The following ZBTB8A variants were observed in gnomAD, a reference collection of about 807,000 sequenced individuals.
ZBTB8A encodes the protein zinc finger and BTB domain-containing protein 8A.
A neutral mutation model predicts 37.8 loss-of-function variants in ZBTB8A; 19 were observed. That is an observed-to-expected ratio of 0.50 (90% CI 0.35 to 0.74). The LOEUF (loss-of-function observed/expected upper bound fraction) is 0.74. ZBTB8A is among the 30% of genes least tolerant of loss of function. ZBTB8A has a pLI of 0.01. For synonymous variants in ZBTB8A, 181 were observed against 185.2 expected, an observed-to-expected ratio of 0.98 and a Z score of 0.19; for missense variants, 394 against 537.8, an observed-to-expected ratio of 0.73 and a Z score of 2.65.
intron 4 of ZBTB8A, among the ~76,000 whole-genome samples, chr1:32,597,186 G>T (rs1644540388): frequency 6.6e-6 from 1 of 151,896 alleles, no homozygotes. Flanking sequence ...GTAGAGATGG[G>T]GTTTCACCAT....
chr1:32,585,693 A>G (rs1471525936), intron 2 of ZBTB8A, among the ~76,000 whole-genome samples: 3 of 152,152 alleles, frequency 2.0e-5, no homozygotes, highest in African/African-American at 7.2e-5. Flanking sequence ...AAGGGTCGAC[A>G]GCATTTTTGA....
intron 2 of ZBTB8A, among the ~76,000 whole-genome samples, chr1:32,557,892 T>C (rs540940296): frequency 6.6e-6 from 1 of 152,330 alleles, no homozygotes; most frequent in South Asian, 2.1e-4. Context: ...ATATACTGAC[T>C]TCATGCTCAG....
At chr1:32,581,432 A>T (rs935481961) in intron 2 of ZBTB8A, among the ~76,000 whole-genome samples, 1 of 148,290 alleles carries the variant, frequency 6.7e-6, no homozygotes, top group Admixed American at 7.1e-5. Context: ...GCTCACTGCA[A>T]CCTCCATCCC....
chr1:32,550,492 G>A (rs72652157), intron 1 of ZBTB8A, among the ~76,000 whole-genome samples: 7,368 of 152,130 alleles, frequency 0.048, 297 homozygotes, highest in South Asian at 0.16. Flanking sequence ...GGTGGTACAC[G>A]TCTGTGGTCC....
chr1:32,567,845 A>C (rs187645900), intron 2 of ZBTB8A, among the ~76,000 whole-genome samples: 2 of 83,884 alleles, frequency 2.4e-5, no homozygotes, highest in Admixed American at 1.2e-4. Flanking sequence ...CAAAACAAAA[A>C]AAAGATATAA....
intron 1 of ZBTB8A, among the ~76,000 whole-genome samples, chr1:32,540,050 G>T (rs1236647357): frequency 6.6e-6 from 1 of 152,012 alleles, no homozygotes; most frequent in East Asian, 1.9e-4. Context: ...TCCCAGGGCA[G>T]TAGCCCGAGT....
At chr1:32,562,034 C>T (rs1034775605) in intron 2 of ZBTB8A, among the ~76,000 whole-genome samples, 3 of 151,804 alleles carry the variant, frequency 2.0e-5, no homozygotes, top group Non-Finnish European at 4.4e-5. Context: ...ACTGCAGCCT[C>T]GAACTCCTGG....
At chr1:32,578,268 G>A (rs1644378590) in intron 2 of ZBTB8A, among the ~76,000 whole-genome samples, 3 of 150,580 alleles carry the variant, frequency 2.0e-5, no homozygotes, top group Admixed American at 2.0e-4. Flanking sequence ...GTAGAGATGG[G>A]ATTTTGCCAT....
intron 2 of ZBTB8A, among the ~76,000 whole-genome samples, chr1:32,560,261 C>T (rs914486895): frequency 1.3e-5 from 2 of 152,070 alleles, no homozygotes; most frequent in African/African-American, 2.4e-5. Context: ...GATTACAATT[C>T]GACATGAGAT....
At chr1:32,583,380 CAAAAA>C (rs372221611) in intron 2 of ZBTB8A, among the ~76,000 whole-genome samples, 1 of 68,132 alleles carries the variant, frequency 1.5e-5, no homozygotes, top group African/African-American at 5.1e-5. Flanking sequence ...GACCCTGTCT[CAAAAA>C]AAAAAAAAAA....
chr1:32,583,128 C>T (rs961571727), intron 2 of ZBTB8A, among the ~76,000 whole-genome samples: 1 of 152,058 alleles, frequency 6.6e-6, no homozygotes, highest in Non-Finnish European at 1.5e-5. Flanking sequence ...CACCTGTAAT[C>T]CCAACACTTT....
At chr1:32,546,575 A>C (rs574101726) in intron 1 of ZBTB8A, among the ~76,000 whole-genome samples, 3 of 152,374 alleles carry the variant, frequency 2.0e-5, no homozygotes, top group African/African-American at 7.2e-5. Context: ...CCGGAGGCCA[A>C]GGCTGCAGTG....
intron 1 of ZBTB8A, among the ~76,000 whole-genome samples, 165 bp downstream of exon 1, chr1:32,539,737 G>GCCCTTTCT (rs1644033816): frequency 1.7e-3 from 1 of 578 alleles, no homozygotes; most frequent in South Asian, 0.062. Context: ...GAGCGCGGCG[G>GCCCTTTCT]GAGGCGCCCG....
At chr1:32,541,164 T>A (rs1644050146) in intron 1 of ZBTB8A, among the ~76,000 whole-genome samples, 1 of 152,254 alleles carries the variant, frequency 6.6e-6, no homozygotes, top group Non-Finnish European at 1.5e-5. Flanking sequence ...TTCCCTTGAA[T>A]GAAGCTTTTG....
chr1:32,559,263 C>T (rs1644225930), intron 2 of ZBTB8A, among the ~76,000 whole-genome samples: 1 of 152,048 alleles, frequency 6.6e-6, no homozygotes, highest in African/African-American at 2.4e-5. Context: ...AGGCACCCGC[C>T]ACCACACCTG....
At chr1:32,591,382 A>AAT (rs1225440058) in intron 2 of ZBTB8A, among the ~76,000 whole-genome samples, 86 of 149,878 alleles carry the variant, frequency 5.7e-4, no homozygotes, top group Admixed American at 1.0e-3. Flanking sequence ...GGCTAATTAA[A>AAT]ATATATATAT....
At chr1:32,570,342 C>CGTAG (rs1287429858) in intron 2 of ZBTB8A, among the ~76,000 whole-genome samples, 1 of 152,134 alleles carries the variant, frequency 6.6e-6, no homozygotes, top group Non-Finnish European at 1.5e-5. Flanking sequence ...CTTGTAATTA[C>CGTAG]GTAGGTTAAG....
intron 2 of ZBTB8A, among the ~76,000 whole-genome samples, chr1:32,567,161 G>A (rs1644286102): frequency 6.6e-6 from 1 of 152,240 alleles, no homozygotes; most frequent in East Asian, 1.9e-4. Flanking sequence ...ATGGCAAAAG[G>A]CACAGGGGAA....
intron 1 of ZBTB8A, among the ~76,000 whole-genome samples, chr1:32,552,340 A>C (rs1217753079): frequency 6.6e-6 from 1 of 151,964 alleles, no homozygotes; most frequent in Admixed American, 6.6e-5. Flanking sequence ...CTCTAGCCTG[A>C]GTGACAAAGT....
Sources: gnomAD v4.1 joint callset for allele counts (sites outside exome capture counted in the v4.1 genomes callset) on GRCh38, gnomAD v4.1.1 for gene constraint, MANE v1.5 for transcripts, NCBI Gene and HGNC (gene_info 2026-07-23, HGNC 2026-07-21) for gene names.